Variants in CDIN1 observed in about 807,000 individuals in gnomAD.
The protein encoded by CDIN1 is CDAN1-interacting nuclease 1.
A neutral mutation model predicts 45.3 loss-of-function variants in CDIN1; 33 were observed. The ratio of observed to expected loss-of-function variants is 0.73; its 90% CI spans 0.55 to 0.97. CDIN1 has a LOEUF of 0.97. Among genes scored for constraint, CDIN1 ranks in the 50% least tolerant of loss-of-function variants. CDIN1 has a pLI of 0.00. For synonymous variants in CDIN1, 118 were observed against 124.4 expected, an observed-to-expected ratio of 0.95 and a Z score of 0.34; for missense variants, 303 against 339.4, an observed-to-expected ratio of 0.89 and a Z score of 0.84.
At chr15:36,589,911 A>G (rs1268607427) in intron 1 of CDIN1, among the ~76,000 whole-genome samples, 1 of 152,210 alleles carries the variant, frequency 6.6e-6, no homozygotes, top group Non-Finnish European at 1.5e-5. Flanking sequence ...CACGTATGAA[A>G]GATGGTACAT....
At chr15:36,665,874 A>G (rs1488560721) in intron 5 of CDIN1, among the ~76,000 whole-genome samples, 1 of 152,102 alleles carries the variant, frequency 6.6e-6, no homozygotes, top group African/African-American at 2.4e-5. Context: ...TTCAAAACAT[A>G]CTTTCATTTA....
At chr15:36,606,550 A>G (rs1291289724) in intron 1 of CDIN1, among the ~76,000 whole-genome samples, 2 of 152,154 alleles carry the variant, frequency 1.3e-5, no homozygotes, top group Non-Finnish European at 2.9e-5. Flanking sequence ...ATTGCTTTTT[A>G]TTATCTGGTT....
intron 10 of CDIN1, among the ~76,000 whole-genome samples, chr15:36,802,838 G>A (rs2055096207): frequency 6.6e-6 from 1 of 152,084 alleles, no homozygotes; most frequent in Non-Finnish European, 1.5e-5. Flanking sequence ...GCTTATCTGA[G>A]GATAGCTAGA....
intron 1 of CDIN1, among the ~76,000 whole-genome samples, chr15:36,631,689 T>G (rs758001214): frequency 2.6e-5 from 4 of 152,250 alleles, no homozygotes; most frequent in Non-Finnish European, 5.9e-5. Flanking sequence ...ACCTTTTAGC[T>G]ATTATGTATA....
intron 5 of CDIN1, chr15:36,658,114 T>A: frequency 2.2e-6 from 1 of 457,944 alleles, no homozygotes; most frequent in Non-Finnish European, 3.9e-6. Context: ...AATTCCACAC[T>A]CAACCTCTCC....
intron 10 of CDIN1, among the ~76,000 whole-genome samples, chr15:36,779,725 G>C (rs1001365804): frequency 1.3e-5 from 2 of 152,166 alleles, no homozygotes; most frequent in African/African-American, 4.8e-5. Context: ...AGCTGACCAG[G>C]TTACCAGACT....
Position 36,603,404 on chromosome 15 carries a change from T to C in CDIN1, c.101+23443T>C, listed in dbSNP as rs16963669. 8.2e-3 allele frequency among the ~76,000 whole-genome samples: 1,252 copies of C among 152,294 alleles called. 29 individuals are homozygous for C. The highest frequency in any genetic ancestry group is 0.028 in the African/African-American group (1,164 of 41,568). ...CAGAGTGGTAGCTCAATTTAGGATT[T>C]TCAGTTACATTTTAAAGCATTTCTT... is the stretch of plus-strand genomic sequence containing the variant. On this transcript the variant is annotated intron_variant, in intron 1 of 10. Transcript: ENST00000566621.
chr15:36,798,528 T>C (rs1159031202), intron 10 of CDIN1: 1 of 152,208 alleles, frequency 6.6e-6, no homozygotes, highest in Non-Finnish European at 1.5e-5. Context: ...TCACATTTGG[T>C]TAATGATAGA....
intron 5 of CDIN1, among the ~76,000 whole-genome samples, chr15:36,664,792 C>A (rs181705402): frequency 0.011 from 1,700 of 152,286 alleles, 28 homozygotes; most frequent in African/African-American, 0.039. Context: ...GTGATCCGCC[C>A]GCCTTGGCCT....
At chr15:36,711,128 C>T (rs752517382) in intron 10 of CDIN1, among the ~76,000 whole-genome samples, 1 of 151,996 alleles carries the variant, frequency 6.6e-6, no homozygotes, top group Non-Finnish European at 1.5e-5. Flanking sequence ...AGTAATGTGG[C>T]AAATTGAATT....
At position 36,591,930 on chromosome 15, in the gene CDIN1, G is replaced by T. The variant is rs528657322; in HGVS notation, c.101+11969G>T. On this transcript the variant is annotated intron_variant, in intron 1 of 10. Transcript: ENST00000566621. ...CAACAACAAGTGAATGAATGAAGCT[G>T]ACCTGGTTGGTTTTGCAGCTAGGTG... is the stretch of plus-strand genomic sequence containing the variant. The T allele has an allele frequency of 4.6e-5, 7 of 152,304 alleles. No homozygotes were observed. In the South Asian group the frequency reaches 1.2e-3, roughly 27 times the overall value. 9.4% of individuals were successfully genotyped at this position (152,304 alleles called of 1,614,324 possible).
chr15:36,618,977 A>C, intron 1 of CDIN1: 1 of 1,542,128 alleles, frequency 6.5e-7, no homozygotes, highest in Admixed American at 1.9e-5. Flanking sequence ...AAGCCCCCTA[A>C]AGAGCCATCT....
intron 10 of CDIN1, among the ~76,000 whole-genome samples, chr15:36,721,824 T>A (rs1157596120): frequency 6.6e-6 from 1 of 151,920 alleles, no homozygotes; most frequent in Non-Finnish European, 1.5e-5. Context: ...AGCTTTCTCC[T>A]GCTGATATTG....
At chr15:36,773,375 TTA>T in intron 10 of CDIN1, among the ~76,000 whole-genome samples, 1 of 152,380 alleles carries the variant, frequency 6.6e-6, no homozygotes. Flanking sequence ...ATCACTAGCC[TTA>T]TATTGCCATT....
intron 5 of CDIN1, chr15:36,691,335 A>G (rs190351509): frequency 2.2e-5 from 6 of 277,200 alleles, no homozygotes; most frequent in Non-Finnish European, 4.1e-5. Flanking sequence ...ATGCTTGGTT[A>G]TAAAATAACT....
rs146533310 is a variant in CDIN1 at position 36,605,550 on chromosome 15, T to A, written c.101+25589T>A. Among the ~76,000 whole-genome samples the A allele has an allele frequency of 5.0e-4, 76 of 152,356 alleles. No homozygotes were observed. The East Asian group carries it at 0.013, about 26-fold the overall frequency. ...GAATAAAAATTTTGGCTTCTGTGTG[T>A]AGTCAGAGTGTGACCACCATCCATC... On this transcript the variant is annotated intron_variant, in intron 1 of 10. Transcript: ENST00000566621.
At chr15:36,585,042 A>G (rs1226126783) in intron 1 of CDIN1, among the ~76,000 whole-genome samples, 1 of 152,220 alleles carries the variant, frequency 6.6e-6, no homozygotes, top group African/African-American at 2.4e-5. Context: ...CATTCTTAGA[A>G]GCCCCTGGTC....
At chr15:36,655,499 G>C (rs915810053) in intron 4 of CDIN1, among the ~76,000 whole-genome samples, 3 of 151,900 alleles carry the variant, frequency 2.0e-5, no homozygotes, top group Non-Finnish European at 4.4e-5. Flanking sequence ...GCTAATTTTT[G>C]TATTTTTAGC....
At chr15:36,659,600 TGAGTTGTTACA>T (rs2040912572) in intron 5 of CDIN1, among the ~76,000 whole-genome samples, 2 of 151,948 alleles carry the variant, frequency 1.3e-5, no homozygotes, top group African/African-American at 4.8e-5. Flanking sequence ...TGTTTCACTG[TGAGTTGTTACA>T]GAGTCAGGTT....
Sources: allele counts gnomAD v4.1 joint callset (sites outside exome capture counted in the v4.1 genomes callset), GRCh38; gene constraint gnomAD v4.1.1; transcripts MANE v1.5; gene names NCBI Gene and HGNC (gene_info 2026-07-23, HGNC 2026-07-21).